The following ZNF385D variants were observed in gnomAD, a reference collection of about 807,000 sequenced individuals.
ZNF385D encodes zinc finger protein 385D.
Under a neutral mutation model 35.8 loss-of-function variants are expected in ZNF385D, and 15 were observed. The observed-to-expected ratio is 0.42, with a 90% CI of 0.28 to 0.64. The LOEUF is 0.64. Ranked by LOEUF, ZNF385D falls within the 30% of genes least tolerant of loss-of-function variation. The pLI is 0.23. For missense variants in ZNF385D, 474 were observed against 494.6 expected, an observed-to-expected ratio of 0.96 and a Z score of 0.39; for synonymous variants, 212 against 186.8, an observed-to-expected ratio of 1.13 and a Z score of -1.10.
chr3:21,843,822 G>A (rs2125792324), intron 3 of ZNF385D, among the ~76,000 whole-genome samples: 1 of 151,992 alleles, frequency 6.6e-6, no homozygotes, highest in South Asian at 2.1e-4. Context: ...GTGGTAGCAT[G>A]GTATCTTCCA....
chr3:21,792,489 A>G (rs2071970610), intron 3 of ZNF385D, among the ~76,000 whole-genome samples: 1 of 152,214 alleles, frequency 6.6e-6, no homozygotes. Context: ...ACAGTTGAGT[A>G]TTCCGCTGGA....
chr3:21,966,344 G>C (rs1702911700), intron 3 of ZNF385D, among the ~76,000 whole-genome samples: 1 of 152,146 alleles, frequency 6.6e-6, no homozygotes, highest in Non-Finnish European at 1.5e-5. Flanking sequence ...ACATTTTAAA[G>C]CTAAGGAACT....
chr3:21,918,844 T>C (rs1575913681), intron 3 of ZNF385D, among the ~76,000 whole-genome samples: 1 of 152,202 alleles, frequency 6.6e-6, no homozygotes, highest in African/African-American at 2.4e-5. Context: ...GACAGCGAGA[T>C]CTCGTGATTT....
exon 2 of ZNF385D, chr3:22,372,639 A>G: frequency 2.8e-6 from 1 of 363,072 alleles, no homozygotes; most frequent in Non-Finnish European, 3.8e-6. Flanking sequence ...GGTCGCCGCG[A>G]GCCGTGAGCG....
chr3:22,131,454 G>C (rs1318221069), intron 3 of ZNF385D, among the ~76,000 whole-genome samples: 1 of 152,104 alleles, frequency 6.6e-6, no homozygotes, highest in Non-Finnish European at 1.5e-5. Context: ...TTGAAGTAGA[G>C]AGAAAAATGA....
At chr3:21,593,838 C>A (rs1478322421) in intron 2 of ZNF385D, among the ~76,000 whole-genome samples, 2 of 127,512 alleles carry the variant, frequency 1.6e-5, no homozygotes, top group African/African-American at 6.6e-5. Flanking sequence ...AAAAGAGGTT[C>A]TTGGGGAGGC....
At chr3:21,896,934 GA>G (rs1559733383) in intron 3 of ZNF385D, among the ~76,000 whole-genome samples, 2 of 151,728 alleles carry the variant, frequency 1.3e-5, no homozygotes, top group Non-Finnish European at 1.5e-5. Flanking sequence ...AAAACTTTAA[GA>G]AAAAAACTGG....
intron 3 of ZNF385D, among the ~76,000 whole-genome samples, chr3:21,777,436 T>G (rs2071332050): frequency 6.6e-6 from 1 of 151,954 alleles, no homozygotes; most frequent in African/African-American, 2.4e-5. Flanking sequence ...ATGGGTTATC[T>G]CAGCACCAAC....
chr3:22,259,622 G>A (rs941053116), intron 2 of ZNF385D, among the ~76,000 whole-genome samples: 5 of 151,942 alleles, frequency 3.3e-5, no homozygotes, highest in African/African-American at 1.2e-4. Context: ...CAAGTTTTGA[G>A]ATTTAACAAA....
At chr3:22,074,213 T>A (rs1257923370) in intron 3 of ZNF385D, among the ~76,000 whole-genome samples, 8 of 151,656 alleles carry the variant, frequency 5.3e-5, no homozygotes, top group African/African-American at 1.7e-4. Context: ...GCCAGCTCAT[T>A]TGCTCTGAAG....
intron 3 of ZNF385D, among the ~76,000 whole-genome samples, chr3:21,904,294 C>A (rs1193875383): frequency 2.7e-5 from 3 of 113,136 alleles, no homozygotes; most frequent in South Asian, 3.7e-4. Context: ...CAGAGTGAGA[C>A]TCCATCTCAA....
intron 3 of ZNF385D, among the ~76,000 whole-genome samples, chr3:22,088,933 T>A (rs993879982): frequency 6.6e-6 from 1 of 152,144 alleles, no homozygotes; most frequent in African/African-American, 2.4e-5. Flanking sequence ...AACTGAGCAA[T>A]CTATTTAAAA....
chr3:21,935,784 G>C (rs973526448), intron 3 of ZNF385D, among the ~76,000 whole-genome samples: 2 of 152,030 alleles, frequency 1.3e-5, no homozygotes, highest in East Asian at 3.9e-4. Context: ...TTTGCCCCTT[G>C]TTTTTCGTTG....
chr3:21,926,255 G>A (rs1700721804), intron 3 of ZNF385D, among the ~76,000 whole-genome samples: 2 of 151,928 alleles, frequency 1.3e-5, no homozygotes, highest in South Asian at 4.2e-4. Flanking sequence ...ATCTTCATTA[G>A]GTATTTCTCC....
intron 3 of ZNF385D, among the ~76,000 whole-genome samples, chr3:22,130,030 G>A (rs1009629158): frequency 1.3e-5 from 2 of 152,104 alleles, no homozygotes; most frequent in African/African-American, 4.8e-5. Flanking sequence ...AAGCCAGCAG[G>A]TTGTAAATTC....
chr3:22,238,173 C>T (rs1482225110), intron 2 of ZNF385D, among the ~76,000 whole-genome samples: 2 of 151,054 alleles, frequency 1.3e-5, no homozygotes, highest in Non-Finnish European at 1.5e-5. Context: ...CATATCTATC[C>T]TTATGCCTGT....
intron 2 of ZNF385D, among the ~76,000 whole-genome samples, chr3:22,308,439 T>A (rs949769565): frequency 6.6e-6 from 1 of 152,100 alleles, no homozygotes; most frequent in African/African-American, 2.4e-5. Context: ...CTGCCTTTTT[T>A]TTCTTTTTTG....
At chr3:22,226,529 A>G (rs933251612) in intron 2 of ZNF385D, among the ~76,000 whole-genome samples, 8 of 152,250 alleles carry the variant, frequency 5.3e-5, no homozygotes, top group African/African-American at 1.4e-4. Context: ...TAAATTGTGA[A>G]AACAGTAATC....
At chr3:22,027,068 A>T (rs758494418) in intron 3 of ZNF385D, among the ~76,000 whole-genome samples, 1 of 152,158 alleles carries the variant, frequency 6.6e-6, no homozygotes, top group Non-Finnish European at 1.5e-5. Flanking sequence ...GGCCCACCCA[A>T]AGCAATTTGC....
Sources: allele counts gnomAD v4.1 joint callset (sites outside exome capture counted in the v4.1 genomes callset), GRCh38; gene constraint gnomAD v4.1.1; transcripts MANE v1.5; gene names NCBI Gene and HGNC (gene_info 2026-07-23, HGNC 2026-07-21).